Variants in TTLL11 observed in about 807,000 individuals in gnomAD.
TTLL11 encodes the protein tubulin tyrosine ligase like 11, also known as tubulin polyglutamylase TTLL11.
A neutral mutation model predicts 51.7 loss-of-function variants in TTLL11; 42 were observed. That is an observed-to-expected ratio of 0.81 (90% confidence interval 0.64 to 1.05). The LOEUF (loss-of-function observed/expected upper bound fraction) is 1.05, where lower values mean the gene tolerates loss of function less well. TTLL11 is among the 50% of genes least tolerant of loss of function. The probability of loss-of-function intolerance (pLI) is 0.00; values close to 1 mark genes in which losing one functional copy is unlikely to be tolerated. For synonymous variants in TTLL11, 381 were observed against 383.5 expected (o/e 0.99, Z 0.08); for missense variants, 799 against 940.4 (o/e 0.85, Z 1.97).
chr9:121,880,844 C>T (rs1192482236), intron 6 of TTLL11, among the ~76,000 whole-genome samples: 2 of 152,206 alleles, frequency 1.3e-5, no homozygotes, highest in Admixed American at 6.5e-5. Flanking sequence ...GACGCTGAAG[C>T]GTGGGAAGGT....
rs914595827 is a variant in TTLL11 at position 121,819,346 on chromosome 9, G to C, written c.*3241C>G. On this transcript the variant is annotated 3_prime_UTR_variant, in exon 9 of 9. Transcript: ENST00000321582. ...AGGCAGGAGCAAGGAGGCTGCCCCGGGGCACACCCAAAGAAAGGGTAGGTG... is the reference window on the plus strand; with the variant it reads ...AGGCAGGAGCAAGGAGGCTGCCCCGCGGCACACCCAAAGAAAGGGTAGGTG... 3 of 152,356 alleles carry C rather than the reference G, an allele frequency of 2.0e-5. No individual in the cohort carries two copies. The highest frequency in any genetic ancestry group is 6.5e-5 in the Admixed American group (1 of 15,274). 9.4% of individuals were successfully genotyped at this position (152,356 alleles called of 1,614,324 possible).
intron 6 of TTLL11, among the ~76,000 whole-genome samples, chr9:121,899,123 C>T (rs1275972384): frequency 1.3e-5 from 2 of 152,088 alleles, no homozygotes; most frequent in Non-Finnish European, 2.9e-5. Flanking sequence ...TGCTGGCCAC[C>T]TTGCAGCTCC....
In TTLL11 at chr9:121,870,613, G is replaced by A. The variant is rs190471274; in HGVS notation, c.1617C>T (p.Tyr539=). ...GGCGCAGGTAGTTGAACTGTTTTGC[G>A]TACTTGGGGAACACCTGCTTGAGGC... is the stretch of plus-strand genomic sequence containing the variant. The part of the protein sequence containing the change: ...SICLKQVFPK[Y]AKQFNYLRLV... The change falls in exon 7 of 9, where the codon TAC becomes TAT. Residue 539 remains tyrosine (Y), a synonymous_variant. Coordinates refer to ENST00000321582, the MANE Select transcript of TTLL11 (RefSeq NM_001139442.2). 2.8e-5 allele frequency: 44 copies of A among 1,551,712 alleles called. No individual in the cohort carries two copies. The highest frequency in any genetic ancestry group is 1.2e-4 in the East Asian group (5 of 40,920).
At position 121,980,277 on chromosome 9, in the gene TTLL11, A is replaced by C. The variant is rs142965892; in HGVS notation, c.1270-5298T>G. Among the ~76,000 whole-genome samples, 959 of 152,238 alleles carry C rather than the reference A, an allele frequency of 6.3e-3. 17 individuals are homozygous for C. Among genetic ancestry groups the C allele is most frequent in the African/African-American group, 0.022 (895 of 41,512 alleles). ...TTTGGATTCCAGTTCTAATACAAACACTGGACAGGTATACTTGAGTGAAAC... is the reference window on the plus strand; with the variant it reads ...TTTGGATTCCAGTTCTAATACAAACCCTGGACAGGTATACTTGAGTGAAAC... On this transcript the variant is annotated intron_variant, in intron 4 of 8. Coordinates refer to ENST00000321582, the MANE Select transcript of TTLL11 (RefSeq NM_001139442.2).
At chr9:121,857,403 C>A (rs1311203519) in intron 8 of TTLL11, among the ~76,000 whole-genome samples, 1 of 152,152 alleles carries the variant, frequency 6.6e-6, no homozygotes, top group African/African-American at 2.4e-5. Flanking sequence ...TCAAATCTTG[C>A]CTTCTTTTGC....
Position 121,853,807 on chromosome 9 carries a change from G to A in TTLL11, c.1840+6530C>T, listed in dbSNP as rs544995502. 2.6e-5 allele frequency among the ~76,000 whole-genome samples: 4 copies of A among 152,268 alleles called. No individual in the cohort carries two copies. Among genetic ancestry groups the A allele is most frequent in the Non-Finnish European group, 4.4e-5 (3 of 68,022 alleles). On this transcript the variant is annotated intron_variant, in intron 8 of 8. Transcript: ENST00000321582. This position sits in a 1 kb window ranked among gnomAD's most constrained non-coding sequence, Gnocchi z 5.6. Reference sequence around the variant, plus strand: ...CAGCCACCAAGGGAGAGTCTGTTGCGGCCACGTCCTGACCCTCTCATCTGG... The same window carrying A: ...CAGCCACCAAGGGAGAGTCTGTTGCAGCCACGTCCTGACCCTCTCATCTGG...
At chr9:121,889,933 G>C (rs1839161891) in intron 6 of TTLL11, among the ~76,000 whole-genome samples, 1 of 152,056 alleles carries the variant, frequency 6.6e-6, no homozygotes, top group Admixed American at 6.5e-5. Context: ...GGCTGGGGAG[G>C]AAAGTGGAAT....
At chr9:121,860,243 C>T in intron 8 of TTLL11, 94 bp downstream of exon 8, 1 of 906,186 alleles carries the variant, frequency 1.1e-6, no homozygotes, top group South Asian at 1.7e-5. Flanking sequence ...CATCTTCTTC[C>T]CCCATCTGAA....
At chr9:122,062,564 G>A (rs558577749) in intron 1 of TTLL11, among the ~76,000 whole-genome samples, 65 of 143,324 alleles carry the variant, frequency 4.5e-4, no homozygotes, top group Middle Eastern at 8.2e-3. Context: ...CATTTCCCGG[G>A]TTCAAGCAAT....
rs564291832 is a variant in TTLL11 at position 122,088,675 on chromosome 9, T to C, written c.462+4012A>G. On this transcript the variant is annotated intron_variant, in intron 1 of 8. Coordinates refer to ENST00000321582, the MANE Select transcript of TTLL11 (RefSeq NM_001139442.2). ...AGAGCTATATAAAGATTTATTATCA[T>C]GTTGTTGTTGTTGTTAAATATATGT... Among the ~76,000 whole-genome samples, 25 of 152,086 alleles carry C rather than the reference T, an allele frequency of 1.6e-4. No individual in the cohort carries two copies. The South Asian group carries it at 3.3e-3, about 20-fold the overall frequency.
chr9:121,958,438 G>A (rs1384011829), intron 6 of TTLL11, among the ~76,000 whole-genome samples: 4 of 152,046 alleles, frequency 2.6e-5, no homozygotes, highest in Admixed American at 2.0e-4. Flanking sequence ...TATCCCCTGG[G>A]GTCTTTTTTC....
chr9:121,929,515 T>G (rs866107022), intron 6 of TTLL11, among the ~76,000 whole-genome samples: 1 of 152,122 alleles, frequency 6.6e-6, no homozygotes, highest in South Asian at 2.1e-4. Flanking sequence ...TCAAGGAATA[T>G]GTATGAAAAA....
intron 6 of TTLL11, among the ~76,000 whole-genome samples, chr9:121,895,970 G>C: frequency 1.2e-5 from 1 of 85,154 alleles, no homozygotes; most frequent in South Asian, 5.3e-4. Flanking sequence ...GTGGGTGTGG[G>C]TGTGTGTCTG....
At chr9:121,871,601 C>G (rs192790713) in intron 6 of TTLL11, among the ~76,000 whole-genome samples, 3 of 152,318 alleles carry the variant, frequency 2.0e-5, no homozygotes, top group Non-Finnish European at 4.4e-5. Context: ...ATCCATCCTT[C>G]AAACTGGCAC....
At chr9:121,850,043 A>G (rs1837622716) in intron 8 of TTLL11, among the ~76,000 whole-genome samples, 1 of 148,472 alleles carries the variant, frequency 6.7e-6, no homozygotes, top group South Asian at 2.2e-4. Flanking sequence ...TTTTATTTGT[A>G]TTTTTAAAAT....
chr9:121,958,366 G>C (rs1378577317), intron 6 of TTLL11, among the ~76,000 whole-genome samples: 1 of 152,050 alleles, frequency 6.6e-6, no homozygotes, highest in East Asian at 1.9e-4. Flanking sequence ...CTGCCTTATT[G>C]GTGCCCGAAG....
At chr9:121,997,893 C>T (rs959362700) in intron 3 of TTLL11, among the ~76,000 whole-genome samples, 3 of 152,036 alleles carry the variant, frequency 2.0e-5, no homozygotes, top group Non-Finnish European at 4.4e-5. Context: ...GTGTCAGCCT[C>T]TCATTTCCCA....
intron 8 of TTLL11, 124 bp from the exon 9 acceptor site, chr9:121,823,003 C>A (rs41313865): frequency 1.7e-6 from 2 of 1,151,162 alleles, no homozygotes; most frequent in African/African-American, 3.2e-5. Context: ...CGTCTCCATT[C>A]CAGAAACTCC....
At chr9:122,055,546 C>A (rs900199963) in intron 1 of TTLL11, among the ~76,000 whole-genome samples, 21 of 152,156 alleles carry the variant, frequency 1.4e-4, no homozygotes, top group African/African-American at 4.8e-4. Context: ...TGTTAATCTC[C>A]TTTGGCAACA....
Sources: gnomAD v4.1 joint callset for allele counts (sites outside exome capture counted in the v4.1 genomes callset) on GRCh38, gnomAD v4.1.1 for gene constraint, Gnocchi (gnomAD v3.1) non-coding constraint, MANE v1.5 for transcripts, NCBI Gene and HGNC (gene_info 2026-07-23, HGNC 2026-07-21) for gene names.